Variants in TRPC7 observed in about 807,000 individuals in gnomAD.
TRPC7 encodes the protein transient receptor potential cation channel subfamily C member 7, also known as short transient receptor potential channel 7.
In TRPC7, 42 loss-of-function variants were observed where a neutral mutation model predicts 90.1. The ratio of observed to expected loss-of-function variants is 0.47; its 90% CI spans 0.36 to 0.60. The LOEUF (loss-of-function observed/expected upper bound fraction) is 0.60, where lower values mean the gene tolerates loss of function less well. TRPC7 is among the 20% of genes least tolerant of loss of function. The pLI, the probability that TRPC7 is intolerant of heterozygous loss-of-function variation, is 0.00. For synonymous variants in TRPC7, 451 were observed against 436.3 expected, an observed-to-expected ratio of 1.03 and a Z score of -0.42; for missense variants, 955 against 1,112.3, an observed-to-expected ratio of 0.86 and a Z score of 2.01.
chr5:136,236,681 C>T (rs1755991698), intron 7 of TRPC7, among the ~76,000 whole-genome samples: 1 of 152,110 alleles, frequency 6.6e-6, no homozygotes, highest in Non-Finnish European at 1.5e-5. Context: ...CCAGGTCTGT[C>T]TCGGCTGGAT....
At chr5:136,358,819 T>C (rs957060183) in intron 1 of TRPC7, among the ~76,000 whole-genome samples, 2 of 152,204 alleles carry the variant, frequency 1.3e-5, no homozygotes, top group African/African-American at 2.4e-5. Flanking sequence ...GTATTTTCTA[T>C]TTTTCTTTTC....
intron 2 of TRPC7, among the ~76,000 whole-genome samples, chr5:136,323,387 G>GTTACAATTA (rs1428062496): frequency 1.3e-5 from 2 of 152,080 alleles, no homozygotes; most frequent in Non-Finnish European, 2.9e-5. Context: ...TGCTTTTTAT[G>GTTACAATTA]TTACAATTAA....
intron 3 of TRPC7, among the ~76,000 whole-genome samples, chr5:136,295,671 ATC>A (rs1015295697): frequency 1.2e-4 from 18 of 151,970 alleles, no homozygotes; most frequent in African/African-American, 4.3e-4. Flanking sequence ...TCTAAATCAA[ATC>A]TCTGTTAGGG....
intron 2 of TRPC7, among the ~76,000 whole-genome samples, chr5:136,350,412 G>C (rs142258635): frequency 6.6e-6 from 1 of 152,148 alleles, no homozygotes. Flanking sequence ...AGAGCATACA[G>C]TCTCCCTGTA....
chr5:136,238,652 A>G lies in TRPC7; in HGVS notation c.1845-7103T>C, dbSNP rs75538315. Among the ~76,000 whole-genome samples the G allele has an allele frequency of 2.0e-3, 297 of 152,298 alleles. 2 individuals are homozygous for G. Among genetic ancestry groups the G allele is most frequent in the East Asian group, 0.012 (61 of 5,172 alleles). ...GACAGTGACCGTCAGCCTGAGAAGC[A>G]GATGGAGGGCCCTGGGCAGTGCTTG... On this transcript the variant is annotated intron_variant, in intron 7 of 11. Transcript: ENST00000513104.
chr5:136,325,693 G>T (rs1289965921), intron 2 of TRPC7, among the ~76,000 whole-genome samples: 1 of 152,062 alleles, frequency 6.6e-6, no homozygotes, highest in African/African-American at 2.4e-5. Flanking sequence ...AGGTCTAGGG[G>T]CAGATAATCA....
chr5:136,234,498 C>T (rs1000557708), intron 7 of TRPC7, among the ~76,000 whole-genome samples: 11 of 151,990 alleles, frequency 7.2e-5, no homozygotes, highest in Admixed American at 3.3e-4. Context: ...TTAGTAGAGA[C>T]GGGGTTTCAC....
intron 5 of TRPC7, among the ~76,000 whole-genome samples, chr5:136,256,541 C>A (rs1198382167): frequency 7.1e-6 from 1 of 140,786 alleles, no homozygotes; most frequent in African/African-American, 2.5e-5. Flanking sequence ...CATATCCTTA[C>A]CCAGTATTCC....
chr5:136,332,110 TAG>T (rs1202178271), intron 2 of TRPC7, among the ~76,000 whole-genome samples: 1 of 151,986 alleles, frequency 6.6e-6, no homozygotes, highest in Non-Finnish European at 1.5e-5. Context: ...TGATTTTGAA[TAG>T]AGAGTTGAAG....
At chr5:136,345,135 A>G (rs908653706) in intron 2 of TRPC7, among the ~76,000 whole-genome samples, 2 of 152,196 alleles carry the variant, frequency 1.3e-5, no homozygotes, top group Non-Finnish European at 2.9e-5. Context: ...GGGGAAGGAT[A>G]ATGGAAGTAG....
At chr5:136,349,122 G>A (rs928583577) in intron 2 of TRPC7, among the ~76,000 whole-genome samples, 15 of 117,640 alleles carry the variant, frequency 1.3e-4, no homozygotes, top group Non-Finnish European at 2.8e-4. Flanking sequence ...ATCTCTGCCT[G>A]CCCATTTCCT....
intron 3 of TRPC7, among the ~76,000 whole-genome samples, chr5:136,308,006 C>G (rs886829755): frequency 6.6e-6 from 1 of 152,166 alleles, no homozygotes; most frequent in African/African-American, 2.4e-5. Flanking sequence ...AACCAGATGA[C>G]TAGCAAGTGA....
At chr5:136,260,287 A>T (rs549679607) in intron 5 of TRPC7, among the ~76,000 whole-genome samples, 2 of 152,354 alleles carry the variant, frequency 1.3e-5, no homozygotes, top group East Asian at 1.9e-4. Context: ...AACAAAATAG[A>T]GCATATAGTA....
intron 2 of TRPC7, among the ~76,000 whole-genome samples, chr5:136,351,678 A>C (rs940543739): frequency 2.0e-5 from 3 of 152,154 alleles, no homozygotes; most frequent in Non-Finnish European, 4.4e-5. Flanking sequence ...CTATTCTGAT[A>C]AGTTTGCAAG....
intron 3 of TRPC7, chr5:136,314,352 G>C (rs1024970023): frequency 2.0e-5 from 3 of 152,234 alleles, no homozygotes; most frequent in African/African-American, 7.2e-5. Context: ...AAAAGCCCCA[G>C]CGAGCTCTTG....
intron 10 of TRPC7, among the ~76,000 whole-genome samples, chr5:136,221,171 A>G (rs1295949903): frequency 6.6e-6 from 1 of 151,580 alleles, no homozygotes; most frequent in Admixed American, 6.6e-5. Flanking sequence ...CCTCCTTGCT[A>G]TCTTCCATAG....
chr5:136,351,767 G>C (rs894087809), intron 2 of TRPC7, among the ~76,000 whole-genome samples: 1 of 152,128 alleles, frequency 6.6e-6, no homozygotes, highest in African/African-American at 2.4e-5. Context: ...TGGCAAATTG[G>C]TCTGATTTAT....
intron 3 of TRPC7, among the ~76,000 whole-genome samples, chr5:136,288,775 C>T (rs542384817): frequency 7.2e-5 from 11 of 152,256 alleles, no homozygotes; most frequent in African/African-American, 2.6e-4. Flanking sequence ...TGTAAGGGAC[C>T]TTCAGGATAT....
At chr5:136,328,942 TG>T (rs1759419774) in intron 2 of TRPC7, among the ~76,000 whole-genome samples, 1 of 152,236 alleles carries the variant, frequency 6.6e-6, no homozygotes, top group South Asian at 2.1e-4. Context: ...GGCAGGGTCC[TG>T]CTCACTTACC....
Sources: allele counts gnomAD v4.1 joint callset (sites outside exome capture counted in the v4.1 genomes callset), GRCh38; gene constraint gnomAD v4.1.1; transcripts MANE v1.5; gene names NCBI Gene and HGNC (gene_info 2026-07-23, HGNC 2026-07-21).